The following FER1L6 variants were observed in gnomAD, a reference collection of about 807,000 sequenced individuals.
FER1L6 encodes fer-1-like protein 6.
FER1L6 carries 177 observed loss-of-function variants against 219.2 expected under a neutral mutation model. That is an observed-to-expected ratio of 0.81 (90% CI 0.71 to 0.91). FER1L6 has a LOEUF of 0.91. FER1L6 is among the 40% of genes least tolerant of loss of function. The pLI is 0.00. For missense variants in FER1L6, 2,153 were observed against 2,259.9 expected (o/e 0.95, Z 0.96); for synonymous variants, 768 against 824.3 (o/e 0.93, Z 1.17).
intron 12 of FER1L6, among the ~76,000 whole-genome samples, chr8:123,996,021 A>G (rs1817116210): frequency 6.6e-6 from 1 of 152,156 alleles, no homozygotes; most frequent in African/African-American, 2.4e-5. Flanking sequence ...CAGAGAATAT[A>G]CTTGATATAA....
chr8:123,904,224 T>TGTGTGTGTGTGTGTG (rs1812910195), intron 1 of FER1L6, among the ~76,000 whole-genome samples: 1 of 139,396 alleles, frequency 7.2e-6, no homozygotes, highest in African/African-American at 2.7e-5. Context: ...CTCTGTATAT[T>TGTGTGTGTGTGTGTG]TGTGTGTGTG....
At chr8:123,970,798 C>T (rs1037274393) in intron 6 of FER1L6, among the ~76,000 whole-genome samples, 1 of 152,152 alleles carries the variant, frequency 6.6e-6, no homozygotes, top group African/African-American at 2.4e-5. Context: ...AGGGGAAGTG[C>T]CCATGTTGAA....
chr8:123,859,693 C>T (rs1375832885), intron 1 of FER1L6, among the ~76,000 whole-genome samples: 2 of 48 alleles, frequency 0.042, no homozygotes, highest in Admixed American at 0.25. Context: ...CAATGCTATC[C>T]CCTCCCCCTT....
At chr8:124,004,115 C>CAAAAAAAAAAAAAAA (rs80310802) in intron 13 of FER1L6, 3 of 78,466 alleles carry the variant, frequency 3.8e-5, no homozygotes, top group Admixed American at 2.9e-4. Context: ...CTGAAAGACT[C>CAAAAAAAAAAAAAAA]AAAAAAAAAA....
At chr8:124,070,368 C>T in intron 29 of FER1L6, 99 bp from the exon 30 acceptor site, 1 of 1,324,188 alleles carries the variant, frequency 7.6e-7, no homozygotes, top group Non-Finnish European at 1.0e-6. Flanking sequence ...TCCCAAGGGG[C>T]ATATATCAAG....
intron 1 of FER1L6, among the ~76,000 whole-genome samples, chr8:123,916,239 C>T (rs926874506): frequency 2.0e-5 from 3 of 152,220 alleles, no homozygotes; most frequent in South Asian, 2.1e-4. Flanking sequence ...ATATCTGTCC[C>T]TCTGCCCTCC....
intron 1 of FER1L6, among the ~76,000 whole-genome samples, chr8:123,920,820 A>G (rs1813338693): frequency 6.6e-6 from 1 of 152,224 alleles, no homozygotes; most frequent in African/African-American, 2.4e-5. Context: ...AACTATACCC[A>G]TTGAAAAACA....
At position 124,061,993 on chromosome 8, in the gene FER1L6, G is replaced by GC. The variant is rs1820607796; in HGVS notation, c.3294dup (p.Ile1099HisfsTer21). ...TTTGTGTAAACTCAGAGAGCCCCTTGCCCCCATCACACAGGTGGATGGAAC... is the reference window on the plus strand; with the variant it reads ...TTTGTGTAAACTCAGAGAGCCCCTTGCCCCCCATCACACAGGTGGATGGAAC... On this transcript the variant is annotated frameshift_variant, in exon 25 of 41. Transcript: ENST00000522917. LOFTEE classifies it high-confidence loss of function. 6.2e-7 allele frequency: 1 copy of GC among 1,614,036 alleles called. No individual in the cohort carries two copies. Among genetic ancestry groups the GC allele is most frequent in the Non-Finnish European group, 8.5e-7 (1 of 1,180,010 alleles).
At position 123,977,568 on chromosome 8, in the gene FER1L6, T is replaced by C. The variant is rs369384608; in HGVS notation, c.1022T>C (p.Ile341Thr). The change falls in exon 10 of 41, where the codon ATT becomes ACT. Residue 341 changes from isoleucine (I) to threonine (T), a missense_variant. Transcript: ENST00000522917. ...GACGTAGCCCTGGCAACCCATTTCA[T>C]TGACCTGAAGAAAATCTCCAACGAA... ...MNDVALATHF[I>T]DLKKISNEQD... 1 of 1,614,122 alleles carries C rather than the reference T, an allele frequency of 6.2e-7. No homozygotes were observed. The highest frequency in any genetic ancestry group is 8.5e-7 in the Non-Finnish European group (1 of 1,180,000).
intron 11 of FER1L6, 45 bp downstream of exon 11, chr8:123,980,856 C>T (rs778708330): frequency 3.3e-6 from 5 of 1,494,084 alleles, no homozygotes; most frequent in Non-Finnish European, 4.6e-6. Context: ...ATGAGGTGAA[C>T]CAGAGCAGGG....
chr8:124,007,500 C>T lies in FER1L6; in HGVS notation c.1701-3094C>T, dbSNP rs1199460849. Among the ~76,000 whole-genome samples, 10 of 152,266 alleles carry T rather than the reference C, an allele frequency of 6.6e-5. No homozygotes were observed. In the East Asian group the frequency reaches 1.7e-3, roughly 26 times the overall value. ...TCTTCAACTTTTTGTTATATTTCTC[C>T]CCCTTTAGCTACCTCCACACCCACC... is the stretch of plus-strand genomic sequence containing the variant. On this transcript the variant is annotated intron_variant, in intron 13 of 40. Coordinates refer to ENST00000522917, the MANE Select transcript of FER1L6 (RefSeq NM_001039112.2).
In FER1L6 at chr8:124,078,896, AC is replaced by A. The variant is rs1821412309; in HGVS notation, c.4220+2572del. Among the ~76,000 whole-genome samples the A allele has an allele frequency of 2.0e-5, 3 of 152,214 alleles. No individual in the cohort carries two copies. The South Asian group carries it at 6.2e-4, about 32-fold the overall frequency. On this transcript the variant is annotated intron_variant, in intron 32 of 40. Coordinates refer to ENST00000522917, the MANE Select transcript of FER1L6 (RefSeq NM_001039112.2). ...AAGTACCATAAACTGGGTGGCCGAA[AC>A]AACAGAAATTCATTCTCACAGTTTG...
chr8:123,901,093 G>T (rs1390282211), intron 1 of FER1L6, among the ~76,000 whole-genome samples: 1 of 152,150 alleles, frequency 6.6e-6, no homozygotes, highest in Non-Finnish European at 1.5e-5. Flanking sequence ...ATTCTTCTTT[G>T]AATGTCTGGT....
At chr8:124,021,806 GT>G (rs1818466025) in intron 17 of FER1L6, 137 bp downstream of exon 17, 3 of 897,742 alleles carry the variant, frequency 3.3e-6, no homozygotes, top group Admixed American at 2.4e-5. Flanking sequence ...GGCACTCCTA[GT>G]TTAGAGAAGA....
intron 22 of FER1L6, among the ~76,000 whole-genome samples, chr8:124,050,738 CAA>C (rs760549463): frequency 1.4e-4 from 22 of 152,050 alleles, no homozygotes; most frequent in East Asian, 3.9e-4. Flanking sequence ...TTCATGCCAC[CAA>C]GAGAGAGAGA....
chr8:123,889,777 A>C (rs1267166600), intron 1 of FER1L6, among the ~76,000 whole-genome samples: 1 of 152,082 alleles, frequency 6.6e-6, no homozygotes, highest in African/African-American at 2.4e-5. Context: ...GAGGAGGGAG[A>C]GATGTAATGA....
intron 6 of FER1L6, among the ~76,000 whole-genome samples, chr8:123,971,800 T>C (rs1341855585): frequency 6.6e-6 from 1 of 152,166 alleles, no homozygotes; most frequent in African/African-American, 2.4e-5. Flanking sequence ...CACACCCTGG[T>C]GGTGCCAAAG....
At chr8:124,025,566 T>A (rs1295945172) in intron 18 of FER1L6, among the ~76,000 whole-genome samples, 1 of 152,224 alleles carries the variant, frequency 6.6e-6, no homozygotes, top group Admixed American at 6.5e-5. Flanking sequence ...TACCATGTTG[T>A]TTTGGTGACT....
At chr8:124,028,119 G>A (rs1210421086) in intron 18 of FER1L6, among the ~76,000 whole-genome samples, 1 of 152,160 alleles carries the variant, frequency 6.6e-6, no homozygotes, top group African/African-American at 2.4e-5. Flanking sequence ...TTAGAACAAA[G>A]AACAGCTGTC....
Sources: gnomAD v4.1 joint callset for allele counts (sites outside exome capture counted in the v4.1 genomes callset) on GRCh38, gnomAD v4.1.1 for gene constraint, MANE v1.5 for transcripts, NCBI Gene and HGNC (gene_info 2026-07-23, HGNC 2026-07-21) for gene names.